The following PRDM2 variants were observed in gnomAD, a reference collection of about 807,000 sequenced individuals.
PRDM2 encodes the protein PR/SET domain 2.
A neutral mutation model predicts 130.0 loss-of-function variants in PRDM2; 30 were observed. That is an observed-to-expected ratio of 0.23 (90% confidence interval 0.17 to 0.31). The LOEUF is 0.31. Ranked by LOEUF, PRDM2 falls within the 10% of genes least tolerant of loss-of-function variation. PRDM2 has a pLI of 1.00. For synonymous variants in PRDM2, 871 were observed against 782.4 expected, an observed-to-expected ratio of 1.11 and a Z score of -1.89; for missense variants, 2,011 against 2,108.4, an observed-to-expected ratio of 0.95 and a Z score of 0.90.
At chr1:13,710,844 T>A (rs912540101) in intron 1 of PRDM2, among the ~76,000 whole-genome samples, 1 of 152,082 alleles carries the variant, frequency 6.6e-6, no homozygotes, top group South Asian at 2.1e-4. Flanking sequence ...CCCAACACTT[T>A]GGGAGGCTGA....
At position 13,779,454 on chromosome 1, in the gene PRDM2, G is replaced by A; in HGVS notation, c.1659G>A (p.Val553=). The A allele has an allele frequency of 1.9e-6, 3 of 1,614,024 alleles. No homozygotes were observed. Among genetic ancestry groups the A allele is most frequent in the South Asian group, 1.1e-5 (1 of 91,084 alleles). ...EPEEEGEADD[V]YIMDISSNIS... is the part of the protein sequence containing the mutation. ...AGGAGGAAGGGGAAGCAGATGATGT[G>A]TACATCATGGACATTTCTAGCAATA... The change falls in exon 8 of 10, where the codon GTG becomes GTA. Residue 553 remains valine, a synonymous_variant. Coordinates refer to ENST00000311066, the MANE Select transcript of PRDM2 (RefSeq NM_001393986.1). The surrounding 1 kb of genome is among the most constrained non-coding windows in gnomAD (Gnocchi z 4.9).
rs140447163 is a variant in PRDM2, at chr1:13,803,892, G to A, written c.5037-12535G>A. The stretch of plus-strand genomic sequence containing the variant: ...CTTAGAAGCTCCACAAAGCAGGGGC[G>A]TGATTGATCTTTTGGGAGCGTGGAG... On this transcript the variant is annotated intron_variant, in intron 8 of 9. Coordinates refer to ENST00000311066, the MANE Select transcript of PRDM2 (RefSeq NM_001393986.1). The surrounding 1 kb of genome is among the most constrained non-coding windows in gnomAD (Gnocchi z 6.2). Among the ~76,000 whole-genome samples, 42 of 152,302 alleles carry A rather than the reference G, an allele frequency of 2.8e-4. 1 individual carries two copies. In the South Asian group the frequency reaches 4.4e-3, roughly 16 times the overall value.
At chr1:13,788,873 C>T (rs1356363964) in intron 8 of PRDM2, among the ~76,000 whole-genome samples, 3 of 152,326 alleles carry the variant, frequency 2.0e-5, no homozygotes, top group Non-Finnish European at 2.9e-5. Context: ...TCCATGGCTG[C>T]GTCTTCTGTG....
chr1:13,810,994 G>C (rs1262655693), intron 8 of PRDM2, among the ~76,000 whole-genome samples: 13 of 149,960 alleles, frequency 8.7e-5, no homozygotes, highest in Admixed American at 3.3e-4. Flanking sequence ...GACCAGCCTG[G>C]CCAACATGGT....
chr1:13,731,224 TTTACC>T, intron 3 of PRDM2, 107 bp downstream of exon 3: 1 of 831,188 alleles, frequency 1.2e-6, no homozygotes, highest in Non-Finnish European at 2.0e-6. Flanking sequence ...AAAGCAGCAA[TTTACC>T]CTTGACTTAG....
chr1:13,815,748 G>A (rs533912514), intron 8 of PRDM2, among the ~76,000 whole-genome samples: 45 of 152,264 alleles, frequency 3.0e-4, no homozygotes, highest in South Asian at 1.0e-3. Flanking sequence ...CATTTACTGG[G>A]GGCGGTGGTT....
chr1:13,779,756 C>T lies in PRDM2; in HGVS notation c.1961C>T (p.Thr654Ile), dbSNP rs748554633. Residue 654 changes from threonine (T) to isoleucine (I), a missense_variant, in exon 8 of 10, where the codon ACA (threonine) becomes ATA (isoleucine). Thr to Ile is a moderately conservative substitution (Grantham distance 89, BLOSUM62 -1). Around this residue, in one of 5 missense-constraint regions of PRDM2, gnomAD observed 1,288 missense variants for 1,237.7 expected, o/e 1.04. Transcript: ENST00000311066. This position sits in a 1 kb window ranked among gnomAD's most constrained non-coding sequence, Gnocchi z 4.9. ...GCACTGCCCAAAATTAAGGCCGAAA[C>T]AGACTCTGACCCCATGGTCCCCTCT... Reference protein sequence around the residue: ...PPALPKIKAETDSDPMVPSCS... With the variant: ...PPALPKIKAEIDSDPMVPSCS... 9 of 1,614,076 alleles carry T rather than the reference C, an allele frequency of 5.6e-6. No individual in the cohort carries two copies. The highest frequency in any genetic ancestry group is 6.8e-6 in the Non-Finnish European group (8 of 1,180,026).
intron 8 of PRDM2, among the ~76,000 whole-genome samples, chr1:13,801,159 G>A (rs1285237008): frequency 6.6e-6 from 1 of 152,212 alleles, no homozygotes; most frequent in East Asian, 1.9e-4. Context: ...AGCGAGGACT[G>A]AAGTGACATC....
chr1:13,776,349 T>G (rs1468821832), intron 7 of PRDM2, among the ~76,000 whole-genome samples: 1 of 152,156 alleles, frequency 6.6e-6, no homozygotes, highest in Non-Finnish European at 1.5e-5. Flanking sequence ...GGAACCTTTC[T>G]TAACTCTCCT....
At chr1:13,805,943 A>G (rs1324406672) in intron 8 of PRDM2, among the ~76,000 whole-genome samples, 6 of 151,688 alleles carry the variant, frequency 4.0e-5, no homozygotes, top group Non-Finnish European at 7.4e-5. Context: ...TTCCCTCCCA[A>G]ACTCCTTTCC....
intron 6 of PRDM2, among the ~76,000 whole-genome samples, chr1:13,768,061 A>AT (rs968304390): frequency 6.3e-5 from 9 of 143,668 alleles, no homozygotes; most frequent in African/African-American, 2.6e-5. Context: ...CATTTTTAAC[A>AT]TTTTGTCCTT....
chr1:13,770,363 C>G (rs1644331120), intron 6 of PRDM2: 1 of 484,586 alleles, frequency 2.1e-6, no homozygotes, highest in Middle Eastern at 3.6e-4. Flanking sequence ...TTGAGTGCAT[C>G]TTAATGGTAT....
intron 2 of PRDM2, among the ~76,000 whole-genome samples, chr1:13,727,039 T>G (rs114228377): frequency 0.015 from 2,232 of 152,282 alleles, 25 homozygotes; most frequent in South Asian, 0.035. Flanking sequence ...ACCTTACCCC[T>G]GCCTGCCCCT....
intron 5 of PRDM2, among the ~76,000 whole-genome samples, chr1:13,747,296 G>T (rs936483539): frequency 1.3e-5 from 2 of 152,140 alleles, no homozygotes; most frequent in Non-Finnish European, 2.9e-5. Context: ...TCAAATATTA[G>T]TTGATACCAC....
chr1:13,700,913 CTG>C (rs1642054878), intron 1 of PRDM2, among the ~76,000 whole-genome samples: 1 of 152,178 alleles, frequency 6.6e-6, no homozygotes. Context: ...ACGTGCAACT[CTG>C]TTACTAATTT....
In PRDM2 at chr1:13,749,213, G is replaced by T. The variant is rs1302792197; in HGVS notation, c.385-148G>T. On this transcript the variant is annotated intron_variant, in intron 5 of 9. Transcript: ENST00000311066. Reference sequence around the variant, plus strand: ...GCCGGCGCGGCCCGCACGGGGCCGGGAGCCCTTCCTGCCGGCCGGGTGCGC... The same window carrying T: ...GCCGGCGCGGCCCGCACGGGGCCGGTAGCCCTTCCTGCCGGCCGGGTGCGC... 74 of 686,096 alleles carry T rather than the reference G, an allele frequency of 1.1e-4. No homozygotes were observed. In the Admixed American group the frequency reaches 4.3e-3, roughly 40 times the overall value. 42.5% of individuals were successfully genotyped at this position (686,096 alleles called of 1,614,324 possible).
chr1:13,815,829 C>T (rs1220556282), intron 8 of PRDM2, among the ~76,000 whole-genome samples: 5 of 152,194 alleles, frequency 3.3e-5, no homozygotes, highest in African/African-American at 4.8e-5. Flanking sequence ...CTTTGGGAAG[C>T]CACGTCACCC....
In PRDM2 at chr1:13,781,756, A is replaced by C. The variant is rs894206928; in HGVS notation, c.3961A>C (p.Thr1321Pro). The change falls in exon 8 of 10, where the codon ACT (threonine) becomes CCT (proline). Residue 1321 changes from threonine (T) to proline (P), a missense_variant. Physicochemically the swap from Thr to Pro is conservative, Grantham distance 38 (BLOSUM62 -1). Around this residue, in one of 5 missense-constraint regions of PRDM2, gnomAD observed 229 missense variants for 364.1 expected, o/e 0.63. Transcript: ENST00000311066. This position sits in a 1 kb window ranked among gnomAD's most constrained non-coding sequence, Gnocchi z 6.1. ...MGIGVTATNF[T>P]THNIPQTFTT... The stretch of plus-strand genomic sequence containing the variant: ...GATTGGTGTGACAGCCACAAATTTC[A>C]CTACACACAATATTCCACAGACTTT... The C allele has an allele frequency of 1.9e-6, 3 of 1,614,094 alleles. No individual in the cohort carries two copies. The highest frequency in any genetic ancestry group is 1.7e-6 in the Non-Finnish European group (2 of 1,180,058).
intron 8 of PRDM2, among the ~76,000 whole-genome samples, chr1:13,811,657 T>C (rs1304703275): frequency 6.6e-6 from 1 of 151,994 alleles, no homozygotes; most frequent in Non-Finnish European, 1.5e-5. Flanking sequence ...GTCCCTGCCC[T>C]CAAAGACATC....
Sources: allele counts gnomAD v4.1 joint callset (sites outside exome capture counted in the v4.1 genomes callset), GRCh38; gene constraint gnomAD v4.1.1; regional missense constraint gnomAD v4.1.1; non-coding constraint Gnocchi (gnomAD v3.1); transcripts MANE v1.5; gene names NCBI Gene and HGNC (gene_info 2026-07-23, HGNC 2026-07-21).